Variants in SCN3A observed in about 807,000 individuals in gnomAD.
The protein encoded by SCN3A is sodium channel protein type 3 subunit alpha.
Under a neutral mutation model 187.6 loss-of-function variants are expected in SCN3A, and 60 were observed. That is an observed-to-expected ratio of 0.32 (90% CI 0.26 to 0.40). SCN3A has a LOEUF of 0.40. SCN3A is among the 10% of genes least tolerant of loss of function. The probability of loss-of-function intolerance (pLI) is 1.00; values close to 1 mark genes in which losing one functional copy is unlikely to be tolerated. For missense variants in SCN3A, 1,601 were observed against 2,428.2 expected (o/e 0.66, Z 7.16); for synonymous variants, 788 against 829.2 (o/e 0.95, Z 0.85).
intron 22 of SCN3A, chr2:165,097,760 T>A: frequency 1.8e-6 from 1 of 568,832 alleles, no homozygotes; most frequent in Non-Finnish European, 3.1e-6. Flanking sequence ...AAGAAATCAT[T>A]AAAAACCTGG....
At chr2:165,175,935 G>A (rs1259142916) in intron 3 of SCN3A, among the ~76,000 whole-genome samples, 196 bp downstream of exon 3, 1 of 152,038 alleles carries the variant, frequency 6.6e-6, no homozygotes, top group Non-Finnish European at 1.5e-5. Context: ...CATATTTCCT[G>A]ACTGTAACCA....
At chr2:165,126,717 A>T (rs1687017314) in intron 18 of SCN3A, among the ~76,000 whole-genome samples, 3 of 151,364 alleles carry the variant, frequency 2.0e-5, no homozygotes, top group Admixed American at 2.0e-4. Flanking sequence ...CAGTAAGAGT[A>T]GGTTTATTAA....
At chr2:165,099,578 G>A (rs539653865) in intron 22 of SCN3A, among the ~76,000 whole-genome samples, 6 of 152,020 alleles carry the variant, frequency 3.9e-5, no homozygotes, top group East Asian at 1.9e-4. Context: ...ATTAGCGGGC[G>A]TGGTGGCGGG....
At chr2:165,184,316 A>G (rs1691082366) in intron 2 of SCN3A, among the ~76,000 whole-genome samples, 1 of 152,096 alleles carries the variant, frequency 6.6e-6, no homozygotes, top group Admixed American at 6.6e-5. Context: ...TTGAATGATT[A>G]CTATATCTCA....
At chr2:165,129,129 A>G (rs1687166091) in intron 17 of SCN3A, among the ~76,000 whole-genome samples, 1 of 152,204 alleles carries the variant, frequency 6.6e-6, no homozygotes, top group African/African-American at 2.4e-5. Flanking sequence ...GTATCCCAGT[A>G]GCATTCTTTT....
chr2:165,144,431 C>T (rs1688201297), intron 12 of SCN3A, among the ~76,000 whole-genome samples: 1 of 152,160 alleles, frequency 6.6e-6, no homozygotes, highest in Admixed American at 6.5e-5. Context: ...TGGCCATCAG[C>T]TAAGCTCTCT....
intron 3 of SCN3A, among the ~76,000 whole-genome samples, chr2:165,173,493 A>G (rs1210414742): frequency 6.6e-6 from 1 of 152,210 alleles, no homozygotes; most frequent in Non-Finnish European, 1.5e-5. Context: ...TTGACACAGT[A>G]TGAGCACAAG....
intron 10 of SCN3A, 36 bp from the exon 11 acceptor site, chr2:165,154,694 A>G (rs1477312099): frequency 1.9e-6 from 3 of 1,560,920 alleles, no homozygotes; most frequent in African/African-American, 1.4e-5. Context: ...TCAGTATTTT[A>G]GTATAATGTC....
At chr2:165,129,757 T>TA (rs1255406113) in intron 17 of SCN3A, among the ~76,000 whole-genome samples, 183 bp downstream of exon 17, 4 of 152,186 alleles carry the variant, frequency 2.6e-5, no homozygotes, top group Non-Finnish European at 5.9e-5. Context: ...TCCAATGTCA[T>TA]AAAAAATGGG....
chr2:165,149,136 T>C (rs1899013), intron 11 of SCN3A, among the ~76,000 whole-genome samples: 33,138 of 151,948 alleles, frequency 0.22, 3,606 homozygotes, highest in East Asian at 0.31. Flanking sequence ...AATAGTCCCT[T>C]ACCATAATCC....
At chr2:165,156,666 A>T (rs1234209387) in intron 9 of SCN3A, among the ~76,000 whole-genome samples, 3 of 152,044 alleles carry the variant, frequency 2.0e-5, no homozygotes, top group African/African-American at 7.2e-5. Flanking sequence ...TTACAGAAAA[A>T]GTATGAGGAT....
chr2:165,181,305 G>C (rs549936568), intron 2 of SCN3A, among the ~76,000 whole-genome samples: 1 of 152,152 alleles, frequency 6.6e-6, no homozygotes, highest in African/African-American at 2.4e-5. Context: ...CTCTACAAAT[G>C]GTAGTTTATT....
chr2:165,095,642 G>A lies in SCN3A; in HGVS notation c.4300C>T (p.Leu1434Phe), dbSNP rs1377671517. The change falls in exon 25 of 28, where the codon CTT (leucine) becomes TTT (phenylalanine). Residue 1434 changes from leucine to phenylalanine, a missense_variant. Physicochemically the swap from Leu to Phe is conservative, Grantham distance 22. Transcript: ENST00000283254. ...YAAVDSRDVK[L>F]QPVYEENLYM... The stretch of plus-strand genomic sequence containing the variant: ...AGATTTTCTTCATATACAGGCTGAA[G>A]TTTAACCTAAATGATATTGAAAATA... 5.8e-6 allele frequency: 8 copies of A among 1,384,348 alleles called. No individual in the cohort carries two copies. Among genetic ancestry groups the A allele is most frequent in the Non-Finnish European group, 8.2e-6 (8 of 973,352 alleles). 85.8% of individuals were successfully genotyped at this position (1,384,348 alleles called of 1,614,324 possible).
chr2:165,095,770 T>C, intron 24 of SCN3A, 122 bp from the exon 25 acceptor site: 2 of 565,042 alleles, frequency 3.5e-6, no homozygotes, highest in Non-Finnish European at 6.1e-6. Context: ...TGAGATATTG[T>C]TCTACAAAAA....
At chr2:165,200,138 G>T (rs1450525360) in intron 1 of SCN3A, among the ~76,000 whole-genome samples, 1 of 152,004 alleles carries the variant, frequency 6.6e-6, no homozygotes, top group African/African-American at 2.4e-5. Flanking sequence ...GAAAATGAAA[G>T]CAGTTAGAAT....
chr2:165,127,032 T>A (rs77393188), intron 18 of SCN3A, among the ~76,000 whole-genome samples: 17,529 of 152,146 alleles, frequency 0.12, 1,342 homozygotes, highest in Middle Eastern at 0.18. Context: ...GTTGAGAGTG[T>A]AATGTACTAA....
intron 27 of SCN3A, among the ~76,000 whole-genome samples, chr2:165,091,657 A>G (rs1465449493): frequency 2.0e-5 from 3 of 152,216 alleles, no homozygotes; most frequent in Non-Finnish European, 4.4e-5. Flanking sequence ...ATTACAAACA[A>G]AAATATTTCT....
At chr2:165,136,436 C>T (rs893101539) in intron 15 of SCN3A, among the ~76,000 whole-genome samples, 1 of 152,188 alleles carries the variant, frequency 6.6e-6, no homozygotes, top group Non-Finnish European at 1.5e-5. Context: ...AGATGCCAGG[C>T]ACAGTCTAGG....
intron 21 of SCN3A, among the ~76,000 whole-genome samples, chr2:165,111,609 GAATT>G (rs1198879779): frequency 2.6e-5 from 4 of 152,034 alleles, no homozygotes; most frequent in Non-Finnish European, 1.5e-5. Context: ...ACTGAATTGA[GAATT>G]AGTAAATTTG....
Sources: gnomAD v4.1 joint callset for allele counts (sites outside exome capture counted in the v4.1 genomes callset) on GRCh38, gnomAD v4.1.1 for gene constraint, MANE v1.5 for transcripts, NCBI Gene and HGNC (gene_info 2026-07-23, HGNC 2026-07-21) for gene names.